The following RESF1 variants were observed in gnomAD, a reference collection of about 807,000 sequenced individuals.
RESF1 encodes retroelement silencing factor 1.
Under a neutral mutation model 134.7 loss-of-function variants are expected in RESF1, and 65 were observed. The observed-to-expected ratio is 0.48, with a 90% CI of 0.40 to 0.59. The LOEUF is 0.59. Among genes scored for constraint, RESF1 ranks in the 20% least tolerant of loss-of-function variants. The pLI, the probability that RESF1 is intolerant of heterozygous loss-of-function variation, is 0.00. For synonymous variants in RESF1, 762 were observed against 702.2 expected, an observed-to-expected ratio of 1.09 and a Z score of -1.35; for missense variants, 2,274 against 2,002.7, an observed-to-expected ratio of 1.14 and a Z score of -2.59.
At chr12:31,988,485 C>CATAA (rs1565489389) in intron 5 of RESF1, among the ~76,000 whole-genome samples, 14 of 152,044 alleles carry the variant, frequency 9.2e-5, no homozygotes, top group African/African-American at 3.1e-4. Flanking sequence ...AGGTTATATA[C>CATAA]AATATACTAT....
chr12:31,965,112 A>T, intron 2 of RESF1, among the ~76,000 whole-genome samples: 1 of 152,022 alleles, frequency 6.6e-6, no homozygotes, highest in East Asian at 1.9e-4. Context: ...ACTTGCCACC[A>T]CACCGCGGTA....
At position 31,983,004 on chromosome 12, in the gene RESF1, A is replaced by G. The variant is rs11051718; in HGVS notation, c.2049A>G (p.Gln683=). The G allele has an allele frequency of 0.11, 175,047 of 1,613,914 alleles. 10,240 individuals are homozygous for G. Among genetic ancestry groups the G allele is most frequent in the Non-Finnish European group, 0.12 (143,663 of 1,179,898 alleles). ...CCTGTCTTTCCCTGTGGAAAAAGCA[A>G]CCTTCAGATACTGCAAAAGAAAAGG... ...LATCLSLWKK[Q]PSDTAKEKEC... Residue 683 remains glutamine, a synonymous_variant, in exon 4 of 6, where the codon CAA becomes CAG. Transcript: ENST00000312561.
intron 3 of RESF1, among the ~76,000 whole-genome samples, chr12:31,973,172 G>C (rs796601005): frequency 2.0e-5 from 3 of 152,188 alleles, no homozygotes; most frequent in Admixed American, 1.3e-4. Flanking sequence ...CTTGTCTATG[G>C]TAATCTGTGT....
Position 31,981,129 on chromosome 12 carries a change from A to T in RESF1, c.174A>T (p.Pro58=), listed in dbSNP as rs1939774604. The T allele has an allele frequency of 1.9e-6, 3 of 1,614,052 alleles. No homozygotes were observed. The Admixed American group carries it at 5.0e-5, about 27-fold the overall frequency. ...EACMYPGNSN[P]ISQPLLNIQN... ...GCATGTATCCCGGTAATTCAAATCC[A>T]ATTTCACAGCCACTGCTGAATATCC... The change falls in exon 4 of 6, where the codon CCA becomes CCT. Residue 58 remains proline, a synonymous_variant. Transcript: ENST00000312561.
Position 31,982,049 on chromosome 12 carries a change from C to G in RESF1, c.1094C>G (p.Ala365Gly). The part of the protein sequence containing the change: ...RSSVDGVQTL[A>G]QTNEEKIMDS... ...TCTGTGGATGGTGTTCAGACTCTTG[C>G]TCAAACTAATGAAGAGAAAATAATG... Residue 365 changes from alanine to glycine, a missense_variant, in exon 4 of 6, where the codon GCT becomes GGT. Coordinates refer to ENST00000312561, the MANE Select transcript of RESF1 (RefSeq NM_018169.4). 2 of 1,614,100 alleles carry G rather than the reference C, an allele frequency of 1.2e-6. No individual in the cohort carries two copies. Among genetic ancestry groups the G allele is most frequent in the Non-Finnish European group, 1.7e-6 (2 of 1,180,030 alleles).
Position 31,983,878 on chromosome 12 carries a change from T to G in RESF1, c.2923T>G (p.Ser975Ala), listed in dbSNP as rs1939879814. The G allele has an allele frequency of 6.2e-7, 1 of 1,613,696 alleles. No individual in the cohort carries two copies. The highest frequency in any genetic ancestry group is 1.3e-5 in the African/African-American group (1 of 75,044). The change falls in exon 4 of 6, where the codon TCA (serine) becomes GCA (alanine). Residue 975 changes from serine (S) to alanine (A), a missense_variant. Physicochemically the swap from Ser to Ala is moderately conservative, Grantham distance 99. Transcript: ENST00000312561. ...ACATAAAATATGTGATCAGTCAAAG[T>G]CAGAGCCACCCTTAGAGTCATCTTT... ...VSHKICDQSK[S>A]EPPLESSFNN...
intron 3 of RESF1, among the ~76,000 whole-genome samples, chr12:31,979,515 C>T (rs1318161568): frequency 2.6e-5 from 4 of 151,914 alleles, no homozygotes; most frequent in East Asian, 3.9e-4. Flanking sequence ...CCCAGAAGCT[C>T]GGCTCATCAC....
At chr12:31,975,448 AC>A (rs2120813552) in intron 3 of RESF1, among the ~76,000 whole-genome samples, 1 of 152,214 alleles carries the variant, frequency 6.6e-6, no homozygotes, top group East Asian at 1.9e-4. Flanking sequence ...AATGGGTCTT[AC>A]GGGTTTTGAT....
chr12:31,972,483 G>T (rs919683533), intron 3 of RESF1, among the ~76,000 whole-genome samples: 1 of 151,964 alleles, frequency 6.6e-6, no homozygotes, highest in Non-Finnish European at 1.5e-5. Context: ...GTGGGCACCG[G>T]TAGTTCCAGC....
At chr12:31,977,801 CTTTTTTTTTTTTT>C (rs3075963) in intron 3 of RESF1, among the ~76,000 whole-genome samples, 3 of 124,398 alleles carry the variant, frequency 2.4e-5, no homozygotes, top group African/African-American at 5.8e-5. Flanking sequence ...TTCTTTCTTT[CTTTTTTTTTTTTT>C]TTTTTTTTGA....
In RESF1 at chr12:31,983,423, C is replaced by T. The variant is rs200548938; in HGVS notation, c.2468C>T (p.Ala823Val). ...ALKVDVSGPV[A>V]STATSTKIFP... ...AAAGTTGATGTTAGTGGACCAGTAG[C>T]AAGTACAGCAACATCAACCAAGATT... The change falls in exon 4 of 6, where the codon GCA becomes GTA. Residue 823 changes from alanine (A) to valine (V), a missense_variant. Transcript: ENST00000312561. 25 of 1,613,962 alleles carry T rather than the reference C, an allele frequency of 1.5e-5. No individual in the cohort carries two copies. In the East Asian group the frequency reaches 5.3e-4, roughly 35 times the overall value.
In RESF1 at chr12:31,982,318, C is replaced by A; in HGVS notation, c.1363C>A (p.Pro455Thr). The change falls in exon 4 of 6, where the codon CCC (proline) becomes ACC (threonine). Residue 455 changes from proline (P) to threonine (T), a missense_variant. Coordinates refer to ENST00000312561, the MANE Select transcript of RESF1 (RefSeq NM_018169.4). The part of the protein sequence containing the change: ...LKQTAKIQSG[P>T]QITPVMPENA... ...ACAAACTGCCAAAATCCAGTCTGGA[C>A]CCCAGATAACTCCAGTAATGCCAGA... 1.2e-6 allele frequency: 2 copies of A among 1,614,094 alleles called. No individual in the cohort carries two copies. Among genetic ancestry groups the A allele is most frequent in the Middle Eastern group, 1.6e-4 (1 of 6,062 alleles).
At chr12:31,967,078 A>G (rs796809766) in intron 2 of RESF1, among the ~76,000 whole-genome samples, 4 of 152,288 alleles carry the variant, frequency 2.6e-5, no homozygotes, top group South Asian at 2.1e-4. Flanking sequence ...CTTGGTTTCA[A>G]TTGTGCATAG....
At chr12:31,962,050 C>T (rs1939281164) in intron 2 of RESF1, among the ~76,000 whole-genome samples, 1 of 152,110 alleles carries the variant, frequency 6.6e-6, no homozygotes, top group South Asian at 2.1e-4. Flanking sequence ...AGTTGGCCAA[C>T]ATGGCAAAAC....
intron 2 of RESF1, among the ~76,000 whole-genome samples, chr12:31,962,988 A>G (rs976209117): frequency 9.2e-5 from 14 of 152,244 alleles, no homozygotes; most frequent in Non-Finnish European, 1.3e-4. Flanking sequence ...AATCCCGGCT[A>G]TCCGGGAGGC....
intron 5 of RESF1, among the ~76,000 whole-genome samples, chr12:31,988,266 T>C (rs898993675): frequency 6.6e-6 from 1 of 152,170 alleles, no homozygotes; most frequent in Non-Finnish European, 1.5e-5. Context: ...GTGGTTGAGG[T>C]ATAGTCAGCC....
At chr12:31,963,182 G>A (rs1001000160) in intron 2 of RESF1, among the ~76,000 whole-genome samples, 3 of 152,020 alleles carry the variant, frequency 2.0e-5, no homozygotes, top group Non-Finnish European at 4.4e-5. Flanking sequence ...TGGCTAACAG[G>A]TGAAACCCCA....
rs1180885992 is a variant in RESF1, at chr12:31,985,219, G to T, written c.4264G>T (p.Glu1422Ter). 1 of 1,588,164 alleles carries T rather than the reference G, an allele frequency of 6.3e-7. No individual in the cohort carries two copies. The highest frequency in any genetic ancestry group is 1.4e-5 in the African/African-American group (1 of 73,180). The change falls in exon 4 of 6, where the codon GAA (glutamate) becomes TAA (stop). Residue 1422 changes from glutamate (E) to a stop codon, truncating the protein, a stop_gained. Coordinates refer to ENST00000312561, the MANE Select transcript of RESF1 (RefSeq NM_018169.4). LOFTEE classifies it high-confidence loss of function. ...SNPNERAIVKEKMVSNTKSVD... is the reference protein window; with the variant it reads ...SNPNERAIVK Reference sequence around the variant, plus strand: ...CCCAAACGAAAGAGCCATTGTTAAAGAAAAGATGGTATCAAATACTAAGTC... The same window carrying T: ...CCCAAACGAAAGAGCCATTGTTAAATAAAAGATGGTATCAAATACTAAGTC...
rs777997729 is a variant in RESF1, at chr12:31,985,246, G to A, written c.4291G>A (p.Val1431Ile). 8.1e-6 allele frequency: 13 copies of A among 1,609,242 alleles called. No homozygotes were observed. Among genetic ancestry groups the A allele is most frequent in the Non-Finnish European group, 1.1e-5 (13 of 1,178,904 alleles). ...KEKMVSNTKS[V>I]DTKASSSKFS... ...AAAGATGGTATCAAATACTAAGTCT[G>A]TAGACACGAAAGCGAGTTCATCTAA... The change falls in exon 4 of 6, where the codon GTA becomes ATA. Residue 1431 changes from valine to isoleucine, a missense_variant. Physicochemically the swap from Val to Ile is conservative, Grantham distance 29. Coordinates refer to ENST00000312561, the MANE Select transcript of RESF1 (RefSeq NM_018169.4).
Sources: gnomAD v4.1 joint callset for allele counts (sites outside exome capture counted in the v4.1 genomes callset) on GRCh38, gnomAD v4.1.1 for gene constraint, MANE v1.5 for transcripts, NCBI Gene and HGNC (gene_info 2026-07-23, HGNC 2026-07-21) for gene names.